The following HM13 variants were observed in gnomAD, a reference collection of about 807,000 sequenced individuals.
The protein encoded by HM13 is signal peptide peptidase.
In HM13, 18 loss-of-function variants were observed where a neutral mutation model predicts 50.0. The ratio of observed to expected loss-of-function variants is 0.36; its 90% CI spans 0.25 to 0.53. The LOEUF (loss-of-function observed/expected upper bound fraction) is 0.53. HM13 is among the 20% of genes least tolerant of loss of function. HM13 has a pLI of 0.90. For missense variants in HM13, 393 were observed against 552.4 expected (o/e 0.71, Z 2.89); for synonymous variants, 197 against 232.6 (o/e 0.85, Z 1.39).
intron 9 of HM13, 66 bp downstream of exon 9, chr20:31,559,713 C>G (rs1984507072): frequency 6.6e-7 from 1 of 1,510,988 alleles, no homozygotes; most frequent in Admixed American, 1.7e-5. Flanking sequence ...CTTCAGGAGC[C>G]CAGAGAAGGT....
At chr20:31,540,306 T>G (rs1351112641) in intron 3 of HM13, 1 of 152,226 alleles carries the variant, frequency 6.6e-6, no homozygotes, top group Non-Finnish European at 1.5e-5. Context: ...GACAAACCAG[T>G]CCTTTCGTGG....
intron 2 of HM13, among the ~76,000 whole-genome samples, chr20:31,536,759 T>C (rs1205027102): frequency 6.6e-6 from 1 of 152,110 alleles, no homozygotes; most frequent in African/African-American, 2.4e-5. Flanking sequence ...CTCCCTTCGT[T>C]TATGACGCTC....
chr20:31,556,135 G>A (rs750644342), intron 8 of HM13, among the ~76,000 whole-genome samples: 21 of 150,574 alleles, frequency 1.4e-4, no homozygotes, highest in Admixed American at 3.3e-4. Flanking sequence ...TGGTTCAAGC[G>A]ATTCTCGATT....
chr20:31,567,250 C>T (rs772894837), intron 11 of HM13, among the ~76,000 whole-genome samples: 2 of 152,190 alleles, frequency 1.3e-5, no homozygotes, highest in African/African-American at 2.4e-5. Context: ...GCATGGCACC[C>T]GATCCCTGAG....
At chr20:31,522,646 T>C (rs1235814887) in intron 1 of HM13, among the ~76,000 whole-genome samples, 1 of 152,046 alleles carries the variant, frequency 6.6e-6, no homozygotes, top group Non-Finnish European at 1.5e-5. Context: ...ATCAAGGCCT[T>C]GCTTAAGTGG....
intron 2 of HM13, chr20:31,535,339 A>G (rs1220652808): frequency 6.6e-6 from 1 of 152,254 alleles, no homozygotes; most frequent in Non-Finnish European, 1.5e-5. Flanking sequence ...GTTAAAGGAG[A>G]AAATTAAAAT....
chr20:31,521,170 A>T (rs562706500), intron 1 of HM13, among the ~76,000 whole-genome samples: 1 of 152,370 alleles, frequency 6.6e-6, no homozygotes, highest in East Asian at 1.9e-4. Context: ...AACTACAAAG[A>T]TTAGCTGTTC....
rs766723052 is a variant in HM13, at chr20:31,527,567, C to G, written c.267C>G (p.Leu89=). ...TCGCCAGCTGCACACTCTTGGGGCT[C>G]TACCTCTTTTTCAAAGTAAGTCTTT... is the stretch of plus-strand genomic sequence containing the variant. ...PIIASCTLLG[L]YLFFKIFSQE... The change falls in exon 2 of 13, where the codon CTC becomes CTG. Residue 89 remains leucine, a synonymous_variant. Coordinates refer to ENST00000398174, the MANE Select transcript of HM13 (RefSeq NM_178581.3). 36 of 1,611,010 alleles carry G rather than the reference C, an allele frequency of 2.2e-5. No individual in the cohort carries two copies. In the Admixed American group the frequency reaches 4.5e-4, roughly 20 times the overall value.
At chr20:31,536,379 CAG>C (rs1412496332) in intron 2 of HM13, among the ~76,000 whole-genome samples, 2 of 151,902 alleles carry the variant, frequency 1.3e-5, no homozygotes, top group Middle Eastern at 3.2e-3. Context: ...GGGTGGGGGT[CAG>C]GGGAGCAGAA....
At chr20:31,545,113 G>A in intron 4 of HM13, 78 bp downstream of exon 4, 13 of 1,144,556 alleles carry the variant, frequency 1.1e-5, no homozygotes, top group Non-Finnish European at 1.6e-5. Context: ...CCAATATTGG[G>A]GTTCTCCAAT....
In HM13 at chr20:31,561,622, C is replaced by T. The variant is rs946958949; in HGVS notation, c.846-12C>T. The T allele has an allele frequency of 5.1e-6, 8 of 1,580,366 alleles. No individual in the cohort carries two copies. The highest frequency in any genetic ancestry group is 4.5e-5 in the East Asian group (2 of 44,710). On this transcript the variant is annotated splice_polypyrimidine_tract_variant and intron_variant, in intron 9 of 12. Coordinates refer to ENST00000398174, the MANE Select transcript of HM13 (RefSeq NM_178581.3). ...CTAACCCTCCTCCTCTTTCTTCACACCTTCCCTGCAGCTTGAAGAAGAATA... is the reference window on the plus strand; with the variant it reads ...CTAACCCTCCTCCTCTTTCTTCACATCTTCCCTGCAGCTTGAAGAAGAATA...
rs190231343 is a variant in HM13, at chr20:31,567,929, T to C, written c.1035-149T>C. ...TTCTTTTTTCATTCTCCAAATAATA[T>C]CAGCTTCTTTCCATAAAATCTGGAA... On this transcript the variant is annotated intron_variant, in intron 11 of 12. Transcript: ENST00000398174. The C allele has an allele frequency of 2.5e-4, 169 of 674,398 alleles. No homozygotes were observed. In the African/African-American group the frequency reaches 2.9e-3, roughly 12 times the overall value. The allele number at this position is 674,398 out of a possible 1,614,324, so 41.8% of individuals were successfully genotyped here. A position where few individuals can be genotyped will look rare whatever the true frequency, so the allele number is the denominator to read the frequency against.
At chr20:31,539,279 C>G in intron 3 of HM13, 1 of 985,480 alleles carries the variant, frequency 1.0e-6, no homozygotes, top group Non-Finnish European at 1.2e-6. Flanking sequence ...ACAGAGATGT[C>G]CCAGTATGTT....
At position 31,554,005 on chromosome 20, in the gene HM13, C is replaced by T. The variant is rs543888615; in HGVS notation, c.725-741C>T. On this transcript the variant is annotated intron_variant, in intron 7 of 12. Coordinates refer to ENST00000398174, the MANE Select transcript of HM13 (RefSeq NM_178581.3). Reference sequence around the variant, plus strand: ...AAAGGGTTCAATAGCTATAAAAAGGCGTTGAAATTGTATGGTTATTTGAGT... The same window carrying T: ...AAAGGGTTCAATAGCTATAAAAAGGTGTTGAAATTGTATGGTTATTTGAGT... Among the ~76,000 whole-genome samples the T allele has an allele frequency of 7.2e-5, 11 of 152,064 alleles. No individual in the cohort carries two copies. The South Asian group carries it at 1.9e-3, about 26-fold the overall frequency.
chr20:31,540,795 A>T (rs1983404677), intron 3 of HM13: 1 of 152,096 alleles, frequency 6.6e-6, no homozygotes, highest in African/African-American at 2.4e-5. Context: ...GTTCAAGACC[A>T]GCCTGGGCAA....
intron 2 of HM13, among the ~76,000 whole-genome samples, chr20:31,535,913 G>C (rs541878209): frequency 3.5e-4 from 54 of 152,280 alleles, no homozygotes; most frequent in Middle Eastern, 6.8e-3. Context: ...ACCAGCTCAG[G>C]GTGAACCTAC....
chr20:31,538,735 G>C (rs1330168372), intron 3 of HM13: 1 of 786,782 alleles, frequency 1.3e-6, no homozygotes, highest in East Asian at 1.0e-4. Context: ...CCACTTAATA[G>C]CTCTGTGATC....
At chr20:31,527,910 T>A in intron 2 of HM13, 3 of 187,048 alleles carry the variant, frequency 1.6e-5, no homozygotes, top group Non-Finnish European at 2.2e-5. Context: ...TTTTTTTTTT[T>A]AATTTATCGA....
chr20:31,549,965 A>G (rs1983942783), intron 6 of HM13, 99 bp from the exon 7 acceptor site: 6 of 888,596 alleles, frequency 6.8e-6, no homozygotes, highest in Non-Finnish European at 1.1e-5. Flanking sequence ...AGCTCCCCTC[A>G]GATCCCAGGC....
Sources: allele counts gnomAD v4.1 joint callset (sites outside exome capture counted in the v4.1 genomes callset), GRCh38; gene constraint gnomAD v4.1.1; transcripts MANE v1.5; gene names NCBI Gene and HGNC (gene_info 2026-07-23, HGNC 2026-07-21).